DHX35: variants seen among roughly 807,000 people sequenced by gnomAD.
DHX35 encodes probable ATP-dependent RNA helicase DHX35.
Under a neutral mutation model 99.6 loss-of-function variants are expected in DHX35, and 84 were observed. The ratio of observed to expected loss-of-function variants is 0.84; its 90% CI spans 0.71 to 1.01. The LOEUF (loss-of-function observed/expected upper bound fraction) is 1.01, where lower values mean the gene tolerates loss of function less well. Ranked by LOEUF, DHX35 falls within the 50% of genes least tolerant of loss-of-function variation. The pLI is 0.00. For missense variants in DHX35, 852 were observed against 888.5 expected, an observed-to-expected ratio of 0.96 and a Z score of 0.52; for synonymous variants, 331 against 316.2, an observed-to-expected ratio of 1.05 and a Z score of -0.50.
chr20:39,010,410 T>A lies in DHX35; in HGVS notation c.1347+6T>A. ...TCAGGTTCCACTTCATGTCGGTAAGTCCTGCCTGCTGTCTGGGGCCATAGG... is the reference window on the plus strand; with the variant it reads ...TCAGGTTCCACTTCATGTCGGTAAGACCTGCCTGCTGTCTGGGGCCATAGG... On this transcript the variant is annotated splice_donor_region_variant and intron_variant, in intron 13 of 21. Transcript: ENST00000252011. The A allele has an allele frequency of 3.1e-6, 5 of 1,613,860 alleles. No homozygotes were observed. Among genetic ancestry groups the A allele is most frequent in the Non-Finnish European group, 3.4e-6 (4 of 1,179,840 alleles).
chr20:39,019,984 G>C (rs1290008803), intron 15 of DHX35, among the ~76,000 whole-genome samples: 5 of 152,114 alleles, frequency 3.3e-5, no homozygotes, highest in Non-Finnish European at 7.4e-5. Context: ...GAGATCATAT[G>C]GTGTTTGTCT....
At chr20:39,012,080 T>TACAAAATTTA (rs2086710951) in intron 13 of DHX35, among the ~76,000 whole-genome samples, 8 of 152,120 alleles carry the variant, frequency 5.3e-5, no homozygotes, top group Admixed American at 5.2e-4. Context: ...AAACCCCGTC[T>TACAAAATTTA]CTACTAAAAA....
intron 4 of DHX35, 144 bp from the exon 5 acceptor site, chr20:38,988,669 T>C (rs2086285943): frequency 3.5e-6 from 4 of 1,158,820 alleles, no homozygotes; most frequent in Non-Finnish European, 2.3e-6. Flanking sequence ...TTATTATGCT[T>C]GTTCTCTAAT....
chr20:39,006,423 A>C, intron 12 of DHX35, 67 bp downstream of exon 12: 1 of 1,537,066 alleles, frequency 6.5e-7, no homozygotes, highest in Admixed American at 1.7e-5. Flanking sequence ...GAGTGTAGCA[A>C]ATGTTTACTC....
At position 39,013,564 on chromosome 20, in the gene DHX35, A is replaced by G. The variant is rs192041222; in HGVS notation, c.1348-1316A>G. Among the ~76,000 whole-genome samples, 16 of 152,332 alleles carry G rather than the reference A, an allele frequency of 1.1e-4. No individual in the cohort carries two copies. In the East Asian group the frequency reaches 3.1e-3, roughly 29 times the overall value. On this transcript the variant is annotated intron_variant, in intron 13 of 21. Transcript: ENST00000252011. ...ATAAGATTTTTGTGGAGAGGGGGAT[A>G]AGTTTTTTTTGTTAATTGACTGGAA...
chr20:39,016,866 G>T (rs796115586), intron 14 of DHX35, among the ~76,000 whole-genome samples: 44 of 129,644 alleles, frequency 3.4e-4, no homozygotes, highest in African/African-American at 1.1e-3. Context: ...GTGTGCTGTT[G>T]TCTTTTTTTT....
At chr20:38,981,174 T>A (rs2086166035) in intron 3 of DHX35, among the ~76,000 whole-genome samples, 1 of 152,200 alleles carries the variant, frequency 6.6e-6, no homozygotes, top group Non-Finnish European at 1.5e-5. Flanking sequence ...TGTCTTTCCC[T>A]TTTTAGTTGA....
intron 7 of DHX35, among the ~76,000 whole-genome samples, chr20:38,994,395 C>A (rs1197318356): frequency 6.9e-6 from 1 of 144,918 alleles, no homozygotes; most frequent in East Asian, 2.0e-4. Context: ...TCTTTTATCT[C>A]TTTTTTTTTT....
At chr20:38,997,069 T>C (rs934249308) in intron 8 of DHX35, among the ~76,000 whole-genome samples, 1 of 151,718 alleles carries the variant, frequency 6.6e-6, no homozygotes, top group Non-Finnish European at 1.5e-5. Flanking sequence ...TTTATTTATT[T>C]ATTTATTTAT....
chr20:39,021,478 A>G (rs928339382), intron 15 of DHX35, among the ~76,000 whole-genome samples: 19 of 152,092 alleles, frequency 1.2e-4, no homozygotes, highest in Admixed American at 6.5e-5. Context: ...AAATATTTTT[A>G]TTTTATAAAC....
chr20:38,968,512 G>A (rs1302910263), intron 1 of DHX35, among the ~76,000 whole-genome samples: 1 of 152,116 alleles, frequency 6.6e-6, no homozygotes, highest in Non-Finnish European at 1.5e-5. Context: ...GTTCTGAGTG[G>A]CCAATTTGGA....
intron 8 of DHX35, among the ~76,000 whole-genome samples, chr20:39,000,666 C>T (rs1430869047): frequency 1.3e-5 from 2 of 152,074 alleles, no homozygotes; most frequent in East Asian, 1.9e-4. Context: ...TGATGCCATT[C>T]GTTAGCACAG....
intron 3 of DHX35, among the ~76,000 whole-genome samples, chr20:38,973,259 T>C (rs1231840885): frequency 1.3e-5 from 2 of 152,232 alleles, no homozygotes; most frequent in African/African-American, 4.8e-5. Flanking sequence ...GAGTGAAGAC[T>C]GACTGAGCTT....
At position 39,003,881 on chromosome 20, in the gene DHX35, G is replaced by T. The variant is rs1230844230; in HGVS notation, c.985G>T (p.Glu329Ter). The T allele has an allele frequency of 6.2e-7, 1 of 1,614,164 alleles. No homozygotes were observed. Among genetic ancestry groups the T allele is most frequent in the South Asian group, 1.1e-5 (1 of 91,076 alleles). ...LPSFEQMKVF[E>*]RVSRSVRKVI... ...TTCCTTTGAGCAAATGAAAGTGTTT[G>T]AAAGGGTGTCACGCAGTGTCAGAAA... The change falls in exon 11 of 22, where the codon GAA becomes TAA. Residue 329 changes from glutamate (E) to a stop codon, truncating the protein, a stop_gained. Coordinates refer to ENST00000252011, the MANE Select transcript of DHX35 (RefSeq NM_021931.4). LOFTEE classifies it high-confidence loss of function.
chr20:39,033,625 G>A (rs2087096195), intron 20 of DHX35, among the ~76,000 whole-genome samples: 3 of 152,122 alleles, frequency 2.0e-5, no homozygotes, highest in African/African-American at 4.8e-5. Flanking sequence ...CTACTCATAT[G>A]CACACCTAAA....
intron 5 of DHX35, 145 bp downstream of exon 5, chr20:38,989,062 T>C (rs1309232151): frequency 3.6e-6 from 3 of 825,514 alleles, no homozygotes; most frequent in African/African-American, 3.5e-5. Context: ...TCAGAGACTT[T>C]AGTCAGCTAG....
chr20:38,975,725 G>A (rs929909327), intron 3 of DHX35, among the ~76,000 whole-genome samples: 7 of 152,198 alleles, frequency 4.6e-5, no homozygotes, highest in Admixed American at 3.9e-4. Context: ...TCTTGGGTTG[G>A]CTTTGAGATT....
intron 16 of DHX35, 32 bp from the exon 17 acceptor site, chr20:39,023,658 T>G (rs767602335): frequency 5.0e-6 from 8 of 1,607,824 alleles, no homozygotes; most frequent in Non-Finnish European, 5.1e-6. Flanking sequence ...CAGCAAAGAG[T>G]GAAATTCTGA....
chr20:38,984,895 C>CTT (rs552878621), intron 4 of DHX35, among the ~76,000 whole-genome samples: 1 of 137,500 alleles, frequency 7.3e-6, no homozygotes, highest in African/African-American at 2.7e-5. Context: ...TATCATTCAG[C>CTT]TTTTTTTTTT....
Sources: gnomAD v4.1 joint callset for allele counts (sites outside exome capture counted in the v4.1 genomes callset) on GRCh38, gnomAD v4.1.1 for gene constraint, MANE v1.5 for transcripts, NCBI Gene and HGNC (gene_info 2026-07-23, HGNC 2026-07-21) for gene names.